Variants in DNAJC1 observed in about 807,000 individuals in gnomAD.
DNAJC1 encodes dnaJ homolog subfamily C member 1.
A neutral mutation model predicts 76.6 loss-of-function variants in DNAJC1; 58 were observed. That is an observed-to-expected ratio of 0.76 (90% CI 0.61 to 0.94). The LOEUF is 0.94. DNAJC1 is among the 40% of genes least tolerant of loss of function. The probability of loss-of-function intolerance (pLI) is 0.00; values close to 1 mark genes in which losing one functional copy is unlikely to be tolerated. For synonymous variants in DNAJC1, 258 were observed against 267.9 expected (o/e 0.96, Z 0.36); for missense variants, 689 against 677.3 (o/e 1.02, Z -0.19).
At chr10:21,944,379 C>T (rs1590060720) in intron 1 of DNAJC1, among the ~76,000 whole-genome samples, 1 of 152,184 alleles carries the variant, frequency 6.6e-6, no homozygotes, top group South Asian at 2.1e-4. Flanking sequence ...CCATTCCATA[C>T]TGACTTTCTC....
chr10:21,924,895 A>T (rs1837100874), intron 3 of DNAJC1, among the ~76,000 whole-genome samples: 1 of 152,234 alleles, frequency 6.6e-6, no homozygotes. Context: ...GTAGGCAATT[A>T]TAACACAATG....
At chr10:21,984,261 A>T (rs890092026) in intron 1 of DNAJC1, among the ~76,000 whole-genome samples, 17 of 152,332 alleles carry the variant, frequency 1.1e-4, no homozygotes, top group Middle Eastern at 6.8e-3. Flanking sequence ...GACCCCAAAT[A>T]ACAGCTTAAA....
intron 7 of DNAJC1, among the ~76,000 whole-genome samples, chr10:21,896,735 A>G (rs1200511134): frequency 6.6e-6 from 1 of 151,542 alleles, no homozygotes; most frequent in Non-Finnish European, 1.5e-5. Context: ...AAATTTTGGA[A>G]GGGGGGGGTT....
chr10:21,829,418 G>A lies in DNAJC1; in HGVS notation c.979-23319C>T, dbSNP rs537768613. Among the ~76,000 whole-genome samples, 5 of 152,316 alleles carry A rather than the reference G, an allele frequency of 3.3e-5. No homozygotes were observed. In the East Asian group the frequency reaches 5.8e-4, roughly 18 times the overall value. On this transcript the variant is annotated intron_variant, in intron 8 of 11. Transcript: ENST00000376980. ...TTTTTAGTAGAGATGGGGTTTCACT[G>A]TGTTAGCCAGAATGGTCTTGATTTC... is the stretch of plus-strand genomic sequence containing the variant.
intron 1 of DNAJC1, among the ~76,000 whole-genome samples, chr10:21,964,153 T>G (rs1222070835): frequency 6.6e-6 from 1 of 152,218 alleles, no homozygotes; most frequent in Non-Finnish European, 1.5e-5. Flanking sequence ...ATAAAAACCT[T>G]AGAATATTTG....
intron 6 of DNAJC1, among the ~76,000 whole-genome samples, chr10:21,908,247 T>C: frequency 2.8e-5 from 1 of 36,322 alleles, no homozygotes. Flanking sequence ...ATATATAATA[T>C]AGAGAAAATA....
rs180995602 is a variant in DNAJC1 at position 22,003,718 on chromosome 10, T to A, written c.-284A>T. ...AGCTGTAGAGGCAGCGCCCGGCGCC[T>A]GGGCTGCACAGTGGGTGAGGCTTCC... On this transcript the variant is annotated 5_prime_UTR_variant, in exon 1 of 12. Transcript: ENST00000376980. 170 of 339,448 alleles carry A rather than the reference T, an allele frequency of 5.0e-4. No individual in the cohort carries two copies. Among genetic ancestry groups the A allele is most frequent in the Non-Finnish European group, 7.2e-4 (136 of 189,354 alleles). The allele number at this position is 339,448 out of a possible 1,614,324, so 21.0% of individuals were successfully genotyped here.
chr10:21,834,787 T>G (rs1011717170), intron 8 of DNAJC1, among the ~76,000 whole-genome samples: 1 of 152,204 alleles, frequency 6.6e-6, no homozygotes, highest in African/African-American at 2.4e-5. Flanking sequence ...GCACCCGCCA[T>G]TGCCAAGTTA....
chr10:21,957,818 A>T (rs758067255), intron 1 of DNAJC1, among the ~76,000 whole-genome samples: 31 of 152,306 alleles, frequency 2.0e-4, no homozygotes, highest in East Asian at 3.9e-4. Flanking sequence ...ATATTTTTTT[A>T]AAAATGTGCT....
At chr10:21,957,182 G>A (rs1837702949) in intron 1 of DNAJC1, among the ~76,000 whole-genome samples, 2 of 151,950 alleles carry the variant, frequency 1.3e-5, no homozygotes, top group African/African-American at 4.8e-5. Context: ...GAGCCACTGC[G>A]CCTGACCAGA....
chr10:21,843,495 G>T (rs998585222), intron 8 of DNAJC1, among the ~76,000 whole-genome samples: 5 of 150,294 alleles, frequency 3.3e-5, no homozygotes, highest in African/African-American at 4.9e-5. Flanking sequence ...CTGGGTTCAA[G>T]TGATTATCCT....
At chr10:21,947,604 T>C (rs541476059) in intron 1 of DNAJC1, among the ~76,000 whole-genome samples, 5 of 152,356 alleles carry the variant, frequency 3.3e-5, no homozygotes, top group African/African-American at 1.2e-4. Flanking sequence ...GGTAGGCTAC[T>C]AGTAGTTACG....
chr10:21,807,586 T>C (rs117743142), intron 8 of DNAJC1, among the ~76,000 whole-genome samples: 230 of 152,356 alleles, frequency 1.5e-3, no homozygotes, highest in Middle Eastern at 0.01. Context: ...TTTGTTCTGC[T>C]ATCAAGAATG....
At chr10:21,901,669 G>A (rs746986572) in intron 7 of DNAJC1, among the ~76,000 whole-genome samples, 27 of 152,172 alleles carry the variant, frequency 1.8e-4, no homozygotes, top group Non-Finnish European at 2.9e-4. Flanking sequence ...ACTCAAAGTA[G>A]TTCTGGTGCA....
At chr10:21,908,493 G>GGC (rs930783825) in intron 6 of DNAJC1, among the ~76,000 whole-genome samples, 2 of 148,604 alleles carry the variant, frequency 1.3e-5, no homozygotes, top group Admixed American at 6.8e-5. Context: ...TTTTCATGGG[G>GGC]GGGGGGTGAA....
intron 6 of DNAJC1, among the ~76,000 whole-genome samples, chr10:21,917,597 T>C (rs1836977185): frequency 6.6e-6 from 1 of 151,984 alleles, no homozygotes; most frequent in African/African-American, 2.4e-5. Flanking sequence ...ATAAAGACTT[T>C]CCCTCCCTCA....
chr10:21,812,876 T>C (rs1217023761), intron 8 of DNAJC1, among the ~76,000 whole-genome samples: 2 of 151,942 alleles, frequency 1.3e-5, no homozygotes, highest in African/African-American at 4.8e-5. Context: ...CTCCAAGGTG[T>C]TCCTCAGTGA....
chr10:21,813,176 CTCTCTCTCT>C (rs1835006135), intron 8 of DNAJC1, among the ~76,000 whole-genome samples: 2 of 11,052 alleles, frequency 1.8e-4, no homozygotes, highest in Non-Finnish European at 2.9e-4. Context: ...CTCTCTCTCC[CTCTCTCTCT>C]CTCTCTCTCT....
intron 9 of DNAJC1, chr10:21,803,755 T>A (rs1392465404): frequency 1.2e-6 from 1 of 818,246 alleles, no homozygotes; most frequent in East Asian, 1.2e-4. Context: ...TATATTGACA[T>A]AGAAGAAAAG....
Sources: allele counts gnomAD v4.1 joint callset (sites outside exome capture counted in the v4.1 genomes callset), GRCh38; gene constraint gnomAD v4.1.1; transcripts MANE v1.5; gene names NCBI Gene and HGNC (gene_info 2026-07-23, HGNC 2026-07-21).